NFASC: variants seen among roughly 807,000 people sequenced by gnomAD.
NFASC encodes the protein neurofascin homolog.
In NFASC, 43 loss-of-function variants were observed where a neutral mutation model predicts 147.5. That is an observed-to-expected ratio of 0.29 (90% CI 0.23 to 0.38). The LOEUF (loss-of-function observed/expected upper bound fraction) is 0.38, where lower values mean the gene tolerates loss of function less well. NFASC is among the 10% of genes least tolerant of loss of function. The pLI is 1.00. For synonymous variants in NFASC, 622 were observed against 665.5 expected (o/e 0.93, Z 1.01); for missense variants, 1,320 against 1,689.0 (o/e 0.78, Z 3.83).
chr1:204,981,911 G>T lies in NFASC; in HGVS notation c.2361G>T (p.Val787=), dbSNP rs1390965055. ...NNVTVWGSRY[V]VGQTPVYVPY... ...TCACAGTGTGGGGCTCTCGCTACGT[G>T]GTGGGGCAGACCCCAGTCTACGTGC... Residue 787 remains valine, a synonymous_variant, in exon 21 of 30, where the codon GTG becomes GTT. Transcript: ENST00000339876. The T allele has an allele frequency of 7.5e-6, 12 of 1,609,202 alleles. No individual in the cohort carries two copies. The highest frequency in any genetic ancestry group is 1.0e-5 in the Non-Finnish European group (12 of 1,177,842).
At chr1:204,949,517 A>G (rs2093976713) in intron 3 of NFASC, among the ~76,000 whole-genome samples, 2 of 152,252 alleles carry the variant, frequency 1.3e-5, no homozygotes, top group Non-Finnish European at 1.5e-5. Context: ...TTACTTTCTG[A>G]TATATTCATC....
Position 204,837,775 on chromosome 1 carries a change from TTCTGCCTAGGACTAGGCAGCATGTG to T in NFASC, c.-200+8994_-200+9018del, listed in dbSNP as rs772439840. 0.017 allele frequency among the ~76,000 whole-genome samples: 2,521 copies of T among 152,286 alleles called. 168 individuals are homozygous for T. In the East Asian group the frequency reaches 0.2, roughly 12 times the overall value. Reference sequence around the variant, plus strand: ...CCAGCCAAGGGGATCTCGAGAATGATTCTGCCTAGGACTAGGCAGCATGTGGGCTTTTTGTCAGTAAAATAGTTAC... The same window carrying T: ...CCAGCCAAGGGGATCTCGAGAATGATGGCTTTTTGTCAGTAAAATAGTTAC... On this transcript the variant is annotated intron_variant, in intron 1 of 29. Coordinates refer to ENST00000339876, the MANE Select transcript of NFASC (RefSeq NM_001005388.3).
chr1:205,011,402 T>C (rs1370529093), intron 28 of NFASC, among the ~76,000 whole-genome samples: 1 of 152,192 alleles, frequency 6.6e-6, no homozygotes, highest in African/African-American at 2.4e-5. Flanking sequence ...GCCTGTCTGG[T>C]TCTGTAACAG....
chr1:204,853,828 C>G (rs113047472), intron 1 of NFASC, among the ~76,000 whole-genome samples: 305 of 152,282 alleles, frequency 2.0e-3, no homozygotes, highest in Middle Eastern at 0.01. Context: ...CCTGCTATTC[C>G]TACCCATCGG....
In NFASC at chr1:204,957,699, T is replaced by C; in HGVS notation, c.579T>C (p.His193=). 1 of 1,614,142 alleles carries C rather than the reference T, an allele frequency of 6.2e-7. No individual in the cohort carries two copies. Among genetic ancestry groups the C allele is most frequent in the Non-Finnish European group, 8.5e-7 (1 of 1,180,004 alleles). ...AAGACAAACGTGTCTCTCAGGGCCATAACGGAGACCTATACTTCTCCAACG... is the reference window on the plus strand; with the variant it reads ...AAGACAAACGTGTCTCTCAGGGCCACAACGGAGACCTATACTTCTCCAACG... ...ITQDKRVSQG[H]NGDLYFSNVM... is the part of the protein sequence containing the mutation. Residue 193 remains histidine, a synonymous_variant, in exon 8 of 30, where the codon CAT becomes CAC. Transcript: ENST00000339876.
intron 1 of NFASC, among the ~76,000 whole-genome samples, chr1:204,851,715 G>A (rs193094913): frequency 6.6e-6 from 1 of 152,242 alleles, no homozygotes; most frequent in East Asian, 1.9e-4. Context: ...GTTGAAATTT[G>A]CCTTTATGCA....
chr1:204,931,621 C>T (rs558465954), intron 2 of NFASC, among the ~76,000 whole-genome samples: 1 of 152,206 alleles, frequency 6.6e-6, no homozygotes. Context: ...TATCCCTAGG[C>T]ACTAACTCAT....
chr1:204,883,464 C>G lies in NFASC; in HGVS notation c.-199-37168C>G, dbSNP rs74318663. Reference sequence around the variant, plus strand: ...AAGGCCCCACCAGGGAGCATCGACCCCGCTCTGTGGCCTGTGCAGCTGGGG... The same window carrying G: ...AAGGCCCCACCAGGGAGCATCGACCGCGCTCTGTGGCCTGTGCAGCTGGGG... On this transcript the variant is annotated intron_variant, in intron 1 of 29. Transcript: ENST00000339876. 7.6e-3 allele frequency among the ~76,000 whole-genome samples: 1,164 copies of G among 152,318 alleles called. 24 individuals carry two copies. The highest frequency in any genetic ancestry group is 0.027 in the African/African-American group (1,112 of 41,566).
rs889841845 is a variant in NFASC, at chr1:204,987,651, T to C, written c.2593+111T>C. On this transcript the variant is annotated intron_variant, in intron 22 of 29. Coordinates refer to ENST00000339876, the MANE Select transcript of NFASC (RefSeq NM_001005388.3). This position sits in a 1 kb window ranked among gnomAD's most constrained non-coding sequence, Gnocchi z 4.4. ...AAGCCTGTGGGTGCAGATGGCATTG[T>C]GGAGGGATGGAGGGGCCAACGAAAC... The C allele has an allele frequency of 3.3e-6, 4 of 1,229,094 alleles. No individual in the cohort carries two copies. The East Asian group carries it at 9.3e-5, about 29-fold the overall frequency. 76.1% of individuals were successfully genotyped at this position (1,229,094 alleles called of 1,614,324 possible). A position where few individuals can be genotyped will look rare whatever the true frequency, so the allele number is the denominator to read the frequency against.
intron 2 of NFASC, among the ~76,000 whole-genome samples, chr1:204,928,788 C>G (rs1313254281): frequency 6.6e-6 from 1 of 152,094 alleles, no homozygotes; most frequent in African/African-American, 2.4e-5. Context: ...CAGGCACCTC[C>G]CACCCTAGAA....
intron 1 of NFASC, among the ~76,000 whole-genome samples, chr1:204,832,626 C>A (rs1468050487): frequency 6.6e-6 from 1 of 152,132 alleles, no homozygotes; most frequent in Non-Finnish European, 1.5e-5. Flanking sequence ...CTGAGTAGCC[C>A]CTCTTTTCCC....
chr1:204,873,998 G>A (rs1404840438), intron 1 of NFASC, among the ~76,000 whole-genome samples: 1 of 152,160 alleles, frequency 6.6e-6, no homozygotes, highest in Admixed American at 6.5e-5. Flanking sequence ...CCCCTAGCTG[G>A]GTGACCTCTG....
chr1:204,836,791 C>T (rs1256063185), intron 1 of NFASC, among the ~76,000 whole-genome samples: 1 of 152,254 alleles, frequency 6.6e-6, no homozygotes, highest in African/African-American at 2.4e-5. Flanking sequence ...TCATCACACA[C>T]TGAGTGGAAT....
At chr1:204,898,542 T>A (rs1424376805) in intron 1 of NFASC, among the ~76,000 whole-genome samples, 1 of 152,224 alleles carries the variant, frequency 6.6e-6, no homozygotes, top group African/African-American at 2.4e-5. Flanking sequence ...CATGAAGCAA[T>A]GGATTGTGAG....
rs1360694327 is a variant in NFASC, at chr1:205,016,528, T to C, written c.3712T>C (p.Ser1238Pro). ...EATSPVNAIY[S>P]LA The stretch of plus-strand genomic sequence containing the variant: ...CACGTCACCTGTCAATGCTATCTAC[T>C]CTCTGGCCTAACGGAGCCCACCCAG... Residue 1238 changes from serine to proline, a missense_variant, in exon 30 of 30, where the codon TCT becomes CCT. This residue lies in a region of NFASC where 167 missense variants were observed against 233.8 expected (regional missense o/e 0.71). Transcript: ENST00000339876. This position sits in a 1 kb window ranked among gnomAD's most constrained non-coding sequence, Gnocchi z 5.1. 1 of 1,613,198 alleles carries C rather than the reference T, an allele frequency of 6.2e-7. No individual in the cohort carries two copies. The highest frequency in any genetic ancestry group is 8.5e-7 in the Non-Finnish European group (1 of 1,179,254).
At position 204,885,388 on chromosome 1, in the gene NFASC, G is replaced by C. The variant is rs549761807; in HGVS notation, c.-199-35244G>C. Among the ~76,000 whole-genome samples, 487 of 146,088 alleles carry C rather than the reference G, an allele frequency of 3.3e-3. 4 individuals are homozygous for C. Among genetic ancestry groups the C allele is most frequent in the African/African-American group, 0.012 (463 of 39,800 alleles). On this transcript the variant is annotated intron_variant, in intron 1 of 29. Coordinates refer to ENST00000339876, the MANE Select transcript of NFASC (RefSeq NM_001005388.3). ...TCACCTTCACCCTCCCCTTTGCCCT[G>C]TGGGGGGGGAAGCATGGTACACTGG...
At chr1:204,983,295 C>A (rs1366503355) in intron 21 of NFASC, among the ~76,000 whole-genome samples, 1 of 152,146 alleles carries the variant, frequency 6.6e-6, no homozygotes, top group Non-Finnish European at 1.5e-5. Flanking sequence ...AGAATCACTT[C>A]CTGAACTAGA....
At chr1:204,928,916 C>T (rs568328046) in intron 2 of NFASC, among the ~76,000 whole-genome samples, 3 of 152,220 alleles carry the variant, frequency 2.0e-5, no homozygotes, top group South Asian at 2.1e-4. Flanking sequence ...GGTGTGAATA[C>T]GAGGTATTCA....
At chr1:204,850,003 C>G (rs1417659261) in intron 1 of NFASC, among the ~76,000 whole-genome samples, 4 of 152,166 alleles carry the variant, frequency 2.6e-5, no homozygotes, top group African/African-American at 9.7e-5. Flanking sequence ...CTGTTCAATC[C>G]CATGGTGCTG....
Sources: allele counts gnomAD v4.1 joint callset (sites outside exome capture counted in the v4.1 genomes callset), GRCh38; gene constraint gnomAD v4.1.1; regional missense constraint gnomAD v4.1.1; non-coding constraint Gnocchi (gnomAD v3.1); transcripts MANE v1.5; gene names NCBI Gene and HGNC (gene_info 2026-07-23, HGNC 2026-07-21).